Variants in TANGO6 observed in about 807,000 individuals in gnomAD.
TANGO6 encodes transport and Golgi organization protein 6 homolog.
Under a neutral mutation model 114.2 loss-of-function variants are expected in TANGO6, and 90 were observed. The observed-to-expected ratio is 0.79, with a 90% CI of 0.66 to 0.94. The LOEUF (loss-of-function observed/expected upper bound fraction) is 0.94, where lower values mean the gene tolerates loss of function less well. Ranked by LOEUF, TANGO6 falls within the 40% of genes least tolerant of loss-of-function variation. The pLI, the probability that TANGO6 is intolerant of heterozygous loss-of-function variation, is 0.00. For missense variants in TANGO6, 1,274 were observed against 1,315.3 expected (o/e 0.97, Z 0.49); for synonymous variants, 477 against 509.8 (o/e 0.94, Z 0.87).
At chr16:68,902,154 T>G (rs925184258) in intron 8 of TANGO6, among the ~76,000 whole-genome samples, 174 bp from the exon 9 acceptor site, 2 of 152,194 alleles carry the variant, frequency 1.3e-5, no homozygotes, top group African/African-American at 4.8e-5. Context: ...GATATTTGCA[T>G]TCTGAAATTC....
intron 12 of TANGO6, among the ~76,000 whole-genome samples, chr16:68,923,993 G>C (rs1178243131): frequency 1.3e-5 from 2 of 152,120 alleles, no homozygotes; most frequent in Non-Finnish European, 2.9e-5. Flanking sequence ...GTTTTCACAG[G>C]CTTTCACTTG....
intron 17 of TANGO6, among the ~76,000 whole-genome samples, chr16:69,072,055 G>T (rs1462338758): frequency 6.8e-6 from 1 of 146,194 alleles, no homozygotes; most frequent in African/African-American, 2.6e-5. Flanking sequence ...GTGTGTGTGT[G>T]TGTGTGTGTG....
At chr16:69,002,342 C>T (rs1597053921) in intron 15 of TANGO6, among the ~76,000 whole-genome samples, 2 of 152,144 alleles carry the variant, frequency 1.3e-5, no homozygotes, top group African/African-American at 4.8e-5. Context: ...TGGTTTGGCT[C>T]TGTGCCCCCA....
At chr16:68,982,776 A>G (rs1051136527) in intron 15 of TANGO6, among the ~76,000 whole-genome samples, 2 of 150,890 alleles carry the variant, frequency 1.3e-5, no homozygotes, top group African/African-American at 4.9e-5. Flanking sequence ...CCAGTCCTCT[A>G]TTTCACCTCT....
At chr16:68,856,847 T>A (rs543511126) in intron 1 of TANGO6, among the ~76,000 whole-genome samples, 5 of 152,272 alleles carry the variant, frequency 3.3e-5, no homozygotes, top group Admixed American at 6.5e-5. Flanking sequence ...CGGTGGCTCA[T>A]GCCTGTAATC....
At chr16:68,907,363 C>T in intron 9 of TANGO6, 80 bp from the exon 10 acceptor site, 4 of 1,411,742 alleles carry the variant, frequency 2.8e-6, no homozygotes, top group Non-Finnish European at 3.8e-6. Context: ...TAACATGTTA[C>T]TTTAGAAGAT....
chr16:68,884,660 G>C (rs1433194704), intron 7 of TANGO6, among the ~76,000 whole-genome samples: 1 of 151,908 alleles, frequency 6.6e-6, no homozygotes, highest in African/African-American at 2.4e-5. Flanking sequence ...ACTAAATTTT[G>C]GTGCAAACCC....
intron 17 of TANGO6, among the ~76,000 whole-genome samples, chr16:69,065,255 GC>G (rs1428179109): frequency 3.9e-5 from 6 of 152,202 alleles, no homozygotes; most frequent in African/African-American, 1.4e-4. Context: ...GACCACTCCA[GC>G]CCTTGGGCAG....
intron 7 of TANGO6, among the ~76,000 whole-genome samples, chr16:68,888,851 C>T (rs1424706308): frequency 1.3e-5 from 2 of 152,160 alleles, no homozygotes; most frequent in African/African-American, 2.4e-5. Flanking sequence ...TTCGCTCTGT[C>T]GCCCAGGCTG....
intron 15 of TANGO6, among the ~76,000 whole-genome samples, chr16:68,990,772 A>C (rs1963939661): frequency 6.6e-6 from 1 of 152,204 alleles, no homozygotes; most frequent in South Asian, 2.1e-4. Context: ...GGGAGTCAAG[A>C]TCATGAAAGG....
intron 4 of TANGO6, chr16:68,867,458 A>G (rs1306193447): frequency 4.6e-6 from 2 of 434,920 alleles, no homozygotes; most frequent in Non-Finnish European, 8.2e-6. Context: ...ATTGAACAAT[A>G]TTGTAAGCCA....
Position 68,867,081 on chromosome 16 carries a change from C to T in TANGO6, c.855C>T (p.Ser285=). ...LLILQGGPPQ[S]CTDVKTQMRC... The stretch of plus-strand genomic sequence containing the variant: ...TCACACCTTCTTCTTTTTCTCAGTC[C>T]TGCACAGATGTGAAGACACAGATGA... The change falls in exon 4 of 18, where the codon TCC becomes TCT. Residue 285 remains serine (S), a splice_region_variant and synonymous_variant. Coordinates refer to ENST00000261778, the MANE Select transcript of TANGO6 (RefSeq NM_024562.2). The T allele has an allele frequency of 6.2e-7, 1 of 1,603,252 alleles. No individual in the cohort carries two copies. The highest frequency in any genetic ancestry group is 8.5e-7 in the Non-Finnish European group (1 of 1,175,150).
chr16:69,054,955 A>C (rs1960010790), intron 17 of TANGO6, among the ~76,000 whole-genome samples: 1 of 151,718 alleles, frequency 6.6e-6, no homozygotes. Context: ...AAAAAAAAAA[A>C]AAAAAAAAAC....
intron 12 of TANGO6, among the ~76,000 whole-genome samples, chr16:68,926,613 T>C (rs953738102): frequency 2.6e-5 from 4 of 151,692 alleles, no homozygotes; most frequent in African/African-American, 4.8e-5. Context: ...CTGCAACCTC[T>C]GCCTCCCGGG....
intron 15 of TANGO6, among the ~76,000 whole-genome samples, chr16:68,999,901 G>A (rs1390294343): frequency 6.6e-6 from 1 of 152,148 alleles, no homozygotes; most frequent in Non-Finnish European, 1.5e-5. Context: ...CTGTTTTAGT[G>A]GCACACTTTC....
At position 69,036,529 on chromosome 16, in the gene TANGO6, G is replaced by A. The variant is rs187012744; in HGVS notation, c.2995-3779G>A. 1.2e-3 allele frequency among the ~76,000 whole-genome samples: 183 copies of A among 152,248 alleles called. 1 individual carries two copies. In the Middle Eastern group the frequency reaches 0.014, roughly 11 times the overall value. On this transcript the variant is annotated intron_variant, in intron 16 of 17. Transcript: ENST00000261778. ...TCCTGATTGTCCTGGATGGCTGACTGCAGATGGGTTTGGTGGAGTCTGGCG... is the reference window on the plus strand; with the variant it reads ...TCCTGATTGTCCTGGATGGCTGACTACAGATGGGTTTGGTGGAGTCTGGCG...
chr16:69,078,143 C>T (rs1960414953), intron 17 of TANGO6, among the ~76,000 whole-genome samples: 1 of 152,114 alleles, frequency 6.6e-6, no homozygotes, highest in Admixed American at 6.6e-5. Context: ...GAGGGACTAG[C>T]ATATGCAAAG....
intron 15 of TANGO6, among the ~76,000 whole-genome samples, chr16:69,015,789 T>C (rs904150885): frequency 2.6e-5 from 4 of 152,112 alleles, no homozygotes; most frequent in African/African-American, 9.7e-5. Flanking sequence ...CAATGGATGC[T>C]CATTTTCAAA....
At chr16:68,934,501 G>A (rs536360823) in intron 14 of TANGO6, among the ~76,000 whole-genome samples, 5 of 152,164 alleles carry the variant, frequency 3.3e-5, no homozygotes, top group African/African-American at 7.2e-5. Context: ...AGGTGAGAAC[G>A]AAAGCTCTAC....
Sources: gnomAD v4.1 joint callset for allele counts (sites outside exome capture counted in the v4.1 genomes callset) on GRCh38, gnomAD v4.1.1 for gene constraint, MANE v1.5 for transcripts, NCBI Gene and HGNC (gene_info 2026-07-23, HGNC 2026-07-21) for gene names.